The following AK5 variants were observed in gnomAD, a reference collection of about 807,000 sequenced individuals.
The protein encoded by AK5 is adenylate kinase 5.
In AK5, 27 loss-of-function variants were observed where a neutral mutation model predicts 69.5. The observed-to-expected ratio is 0.39, with a 90% CI of 0.29 to 0.54. The LOEUF (loss-of-function observed/expected upper bound fraction) is 0.54, where lower values mean the gene tolerates loss of function less well. Among genes scored for constraint, AK5 ranks in the 20% least tolerant of loss-of-function variants. The pLI is 0.71. For synonymous variants in AK5, 260 were observed against 244.4 expected, an observed-to-expected ratio of 1.06 and a Z score of -0.60; for missense variants, 531 against 700.4, an observed-to-expected ratio of 0.76 and a Z score of 2.73.
intron 8 of AK5, among the ~76,000 whole-genome samples, chr1:77,420,065 A>G (rs1650707303): frequency 6.6e-6 from 1 of 151,110 alleles, no homozygotes; most frequent in Non-Finnish European, 1.5e-5. Context: ...CAGAGTGCAG[A>G]AGACAGAAAG....
intron 10 of AK5, among the ~76,000 whole-genome samples, chr1:77,487,991 T>G (rs1655707651): frequency 6.6e-6 from 1 of 152,072 alleles, no homozygotes; most frequent in Non-Finnish European, 1.5e-5. Context: ...GTGTTTGGAG[T>G]AAAATTAGGT....
chr1:77,367,853 T>TC (rs1417379296), intron 6 of AK5, among the ~76,000 whole-genome samples: 9 of 2,542 alleles, frequency 3.5e-3, no homozygotes, highest in Non-Finnish European at 4.7e-3. Flanking sequence ...ATATTATATA[T>TC]AATATATAAT....
intron 6 of AK5, among the ~76,000 whole-genome samples, chr1:77,380,857 G>A (rs1405610098): frequency 6.6e-6 from 1 of 152,174 alleles, no homozygotes; most frequent in South Asian, 2.1e-4. Context: ...GGGGACCAAG[G>A]CATCCTAGCC....
chr1:77,544,607 G>A (rs941666302), intron 13 of AK5, among the ~76,000 whole-genome samples: 1 of 150,948 alleles, frequency 6.6e-6, no homozygotes, highest in Admixed American at 6.6e-5. Context: ...GCCTAGGCCT[G>A]CCTACACAGG....
intron 6 of AK5, among the ~76,000 whole-genome samples, chr1:77,379,476 G>A (rs1647473266): frequency 6.6e-6 from 1 of 152,174 alleles, no homozygotes; most frequent in African/African-American, 2.4e-5. Flanking sequence ...CAGATTTAAA[G>A]GGCCACTGGT....
At chr1:77,403,549 AG>A (rs1291579659) in intron 6 of AK5, among the ~76,000 whole-genome samples, 2 of 152,356 alleles carry the variant, frequency 1.3e-5, no homozygotes, top group South Asian at 4.1e-4. Context: ...TTTATTAAAT[AG>A]GGAATCCTTT....
intron 10 of AK5, among the ~76,000 whole-genome samples, chr1:77,518,347 C>T (rs909077541): frequency 2.0e-4 from 31 of 152,208 alleles, no homozygotes; most frequent in Non-Finnish European, 2.9e-5. Context: ...CTGCCCCCTC[C>T]CGCTTCATGG....
chr1:77,486,660 T>C (rs1367699309), intron 10 of AK5, among the ~76,000 whole-genome samples: 1 of 149,886 alleles, frequency 6.7e-6, no homozygotes, highest in Non-Finnish European at 1.5e-5. Flanking sequence ...ATCGCGCCAC[T>C]GCACTCCACC....
At chr1:77,293,768 TCAAA>T in intron 2 of AK5, 21 bp from the exon 3 acceptor site, 4 of 1,567,270 alleles carry the variant, frequency 2.6e-6, no homozygotes, top group Admixed American at 2.0e-5. Context: ...TTTTTCCTTT[TCAAA>T]GTTATCTTAC....
At chr1:77,375,200 A>G (rs1436768652) in intron 6 of AK5, among the ~76,000 whole-genome samples, 1 of 152,226 alleles carries the variant, frequency 6.6e-6, no homozygotes, top group Non-Finnish European at 1.5e-5. Flanking sequence ...GCCAGGTCAG[A>G]CCTTACGCTC....
At chr1:77,285,345 A>G (rs1057103714) in intron 1 of AK5, among the ~76,000 whole-genome samples, 6 of 152,058 alleles carry the variant, frequency 3.9e-5, no homozygotes, top group African/African-American at 1.2e-4. Flanking sequence ...TGCCCGGGTA[A>G]TTTTTTCTGC....
intron 8 of AK5, among the ~76,000 whole-genome samples, chr1:77,430,087 T>G (rs1296785506): frequency 1.3e-5 from 2 of 151,020 alleles, no homozygotes; most frequent in Non-Finnish European, 2.9e-5. Context: ...TTTTTCTGGC[T>G]GCAATGTGGA....
At chr1:77,286,305 G>A (rs892172101) in intron 1 of AK5, among the ~76,000 whole-genome samples, 2 of 150,676 alleles carry the variant, frequency 1.3e-5, no homozygotes, top group Admixed American at 1.3e-4. Context: ...ATGACCAGGG[G>A]CATTTTCACA....
At chr1:77,427,929 A>G (rs1430616174) in intron 8 of AK5, among the ~76,000 whole-genome samples, 1 of 152,262 alleles carries the variant, frequency 6.6e-6, no homozygotes, top group Non-Finnish European at 1.5e-5. Flanking sequence ...CCTTGTTCAC[A>G]GATGAACACA....
intron 1 of AK5, chr1:77,282,596 A>T: frequency 7.6e-7 from 1 of 1,324,470 alleles, no homozygotes; most frequent in Non-Finnish European, 9.6e-7. Context: ...TCACAGATCA[A>T]GTTTCAGTCT....
rs146797913 is a variant in AK5 at position 77,282,792 on chromosome 1, G to A, written c.60+419G>A. 1.5e-4 allele frequency: 146 copies of A among 995,676 alleles called. No homozygotes were observed. The African/African-American group carries it at 2.3e-3, about 16-fold the overall frequency. The allele number at this position is 995,676 out of a possible 1,614,324, so 61.7% of individuals were successfully genotyped here. On this transcript the variant is annotated intron_variant, in intron 1 of 13. Coordinates refer to ENST00000354567, the MANE Select transcript of AK5 (RefSeq NM_174858.3). ...GAGCCAGAGCCCTAGTCACTCTGCT[G>A]GTCGAGGGTCGGAACCCCTGGGGGA... is the stretch of plus-strand genomic sequence containing the variant.
chr1:77,475,804 G>T (rs977942940), intron 8 of AK5, among the ~76,000 whole-genome samples: 1 of 151,812 alleles, frequency 6.6e-6, no homozygotes, highest in South Asian at 2.1e-4. Context: ...TGGGAACTTT[G>T]CCCCTTCCTT....
chr1:77,530,904 C>T (rs1259766591), intron 12 of AK5, among the ~76,000 whole-genome samples: 1 of 152,126 alleles, frequency 6.6e-6, no homozygotes, highest in African/African-American at 2.4e-5. Context: ...TCTCCTCCCG[C>T]TCCACTTGCT....
intron 1 of AK5, chr1:77,283,580 G>C: frequency 1.0e-6 from 1 of 985,378 alleles, no homozygotes; most frequent in Non-Finnish European, 1.2e-6. Context: ...ATAAGCCACC[G>C]TTTTCAGGTC....
Sources: allele counts gnomAD v4.1 joint callset (sites outside exome capture counted in the v4.1 genomes callset), GRCh38; gene constraint gnomAD v4.1.1; transcripts MANE v1.5; gene names NCBI Gene and HGNC (gene_info 2026-07-23, HGNC 2026-07-21).